The following ADCY8 variants were observed in gnomAD, a reference collection of about 807,000 sequenced individuals.
ADCY8 encodes the protein adenylate cyclase type 8.
A neutral mutation model predicts 119.7 loss-of-function variants in ADCY8; 51 were observed. The observed-to-expected ratio is 0.43, with a 90% confidence interval of 0.34 to 0.54. ADCY8 has a LOEUF of 0.54. Ranked by LOEUF, ADCY8 falls within the 20% of genes least tolerant of loss-of-function variation. The pLI, the probability that ADCY8 is intolerant of heterozygous loss-of-function variation, is 0.03. For missense variants in ADCY8, 1,383 were observed against 1,598.8 expected (o/e 0.87, Z 2.30); for synonymous variants, 665 against 651.0 (o/e 1.02, Z -0.33).
chr8:130,900,770 C>A (rs1026820053), intron 7 of ADCY8, among the ~76,000 whole-genome samples: 4 of 152,186 alleles, frequency 2.6e-5, no homozygotes, highest in African/African-American at 9.7e-5. Context: ...CAACAGTGAT[C>A]TCTTTCACTG....
At chr8:131,033,467 C>A (rs182595153) in intron 1 of ADCY8, among the ~76,000 whole-genome samples, 3 of 152,252 alleles carry the variant, frequency 2.0e-5, no homozygotes, top group Non-Finnish European at 2.9e-5. Flanking sequence ...GACATTGTAG[C>A]AGCTGCTCTA....
chr8:130,991,488 A>C (rs1282425575), intron 1 of ADCY8, among the ~76,000 whole-genome samples: 1 of 152,216 alleles, frequency 6.6e-6, no homozygotes, highest in African/African-American at 2.4e-5. Context: ...ACAGTAAGCA[A>C]TTGAGTTAAG....
chr8:130,895,238 T>C (rs1210804493), intron 7 of ADCY8, among the ~76,000 whole-genome samples: 3 of 152,122 alleles, frequency 2.0e-5, no homozygotes, highest in African/African-American at 7.2e-5. Context: ...GCCCTCAGTT[T>C]TATGACTCCC....
intron 9 of ADCY8, among the ~76,000 whole-genome samples, chr8:130,862,929 T>G (rs1817989643): frequency 6.6e-6 from 1 of 152,220 alleles, no homozygotes; most frequent in South Asian, 2.1e-4. Flanking sequence ...CCTTGGTTAC[T>G]GTTCATGTGA....
chr8:130,893,698 ATATGTGTGTGTGTGCATGTT>A (rs1819275752), intron 7 of ADCY8, among the ~76,000 whole-genome samples: 1 of 146,422 alleles, frequency 6.8e-6, no homozygotes, highest in African/African-American at 2.5e-5. Context: ...GTGCATGTTT[ATATGTGTGTGTGTGCATGTT>A]TATGTGTGTG....
chr8:130,898,546 T>C (rs1474018930), intron 7 of ADCY8, among the ~76,000 whole-genome samples: 1 of 152,224 alleles, frequency 6.6e-6, no homozygotes, highest in African/African-American at 2.4e-5. Context: ...TTGTGTACTT[T>C]TCTCCATATG....
intron 9 of ADCY8, among the ~76,000 whole-genome samples, chr8:130,865,017 T>G (rs140101687): frequency 1.3e-5 from 2 of 152,292 alleles, no homozygotes; most frequent in Non-Finnish European, 2.9e-5. Flanking sequence ...TGGTTAAGGT[T>G]TGCTATAGTT....
intron 5 of ADCY8, among the ~76,000 whole-genome samples, chr8:130,925,475 T>C (rs950233645): frequency 5.9e-5 from 9 of 152,146 alleles, no homozygotes; most frequent in African/African-American, 2.2e-4. Context: ...ATGGAGGCTA[T>C]AAGTTAAGTC....
intron 13 of ADCY8, among the ~76,000 whole-genome samples, chr8:130,816,113 T>G (rs1267187780): frequency 6.6e-6 from 1 of 152,192 alleles, no homozygotes; most frequent in Admixed American, 6.5e-5. Flanking sequence ...TTTAAAAAAA[T>G]TTTAAAGTCT....
chr8:130,991,951 C>A lies in ADCY8; in HGVS notation c.961-1409G>T, dbSNP rs542445260. Reference sequence around the variant, plus strand: ...GAACTGAAAAAGAAAATATCTGAACCAACTGGATATTAACAGCAGAACATA... The same window carrying A: ...GAACTGAAAAAGAAAATATCTGAACAAACTGGATATTAACAGCAGAACATA... On this transcript the variant is annotated intron_variant, in intron 1 of 17. Transcript: ENST00000286355. 2.0e-5 allele frequency among the ~76,000 whole-genome samples: 3 copies of A among 151,604 alleles called. No individual in the cohort carries two copies. In the East Asian group the frequency reaches 5.8e-4, roughly 29 times the overall value.
At chr8:130,923,671 T>C (rs768650075) in intron 5 of ADCY8, among the ~76,000 whole-genome samples, 2 of 152,156 alleles carry the variant, frequency 1.3e-5, no homozygotes, top group Non-Finnish European at 2.9e-5. Context: ...AGACATAGAA[T>C]ATGTGAAGAG....
chr8:130,970,278 T>TTACC (rs1421190577), intron 2 of ADCY8, among the ~76,000 whole-genome samples: 3 of 152,176 alleles, frequency 2.0e-5, no homozygotes, highest in Non-Finnish European at 2.9e-5. Flanking sequence ...ATTGCTCACA[T>TTACC]TACCACCTGA....
chr8:130,979,942 T>C (rs1822188408), intron 2 of ADCY8, among the ~76,000 whole-genome samples: 1 of 152,130 alleles, frequency 6.6e-6, no homozygotes, highest in African/African-American at 2.4e-5. Flanking sequence ...ACCACACAAT[T>C]TGGTGGTTTA....
intron 7 of ADCY8, among the ~76,000 whole-genome samples, chr8:130,897,242 G>A (rs1053761164): frequency 1.3e-5 from 2 of 152,032 alleles, no homozygotes; most frequent in Non-Finnish European, 2.9e-5. Flanking sequence ...CAATCAGGAC[G>A]GCAATCAGAT....
chr8:130,784,448 A>AT (rs1331826563), intron 16 of ADCY8, among the ~76,000 whole-genome samples: 2 of 152,160 alleles, frequency 1.3e-5, no homozygotes, highest in African/African-American at 4.8e-5. Flanking sequence ...ATTGAATGAG[A>AT]TTTTTTATAT....
chr8:130,795,310 A>G (rs1409141839), intron 15 of ADCY8, among the ~76,000 whole-genome samples: 1 of 152,198 alleles, frequency 6.6e-6, no homozygotes, highest in Non-Finnish European at 1.5e-5. Context: ...AGACAGGACC[A>G]CGCATAGTTT....
chr8:130,958,152 T>A (rs1193278366), intron 2 of ADCY8, among the ~76,000 whole-genome samples: 1 of 152,198 alleles, frequency 6.6e-6, no homozygotes, highest in Non-Finnish European at 1.5e-5. Flanking sequence ...GTGAGCAACA[T>A]AATCCCTTGG....
intron 15 of ADCY8, among the ~76,000 whole-genome samples, chr8:130,788,384 G>A (rs116365119): frequency 0.012 from 1,771 of 152,256 alleles, 37 homozygotes; most frequent in African/African-American, 0.041. Flanking sequence ...AAATAAGCCA[G>A]GCACAGAAAG....
intron 2 of ADCY8, among the ~76,000 whole-genome samples, chr8:130,963,471 TA>T (rs1821668910): frequency 6.6e-6 from 1 of 152,222 alleles, no homozygotes; most frequent in Non-Finnish European, 1.5e-5. Context: ...TGTCTTTTAT[TA>T]AATTAAATCA....
Sources: allele counts gnomAD v4.1 joint callset (sites outside exome capture counted in the v4.1 genomes callset), GRCh38; gene constraint gnomAD v4.1.1; transcripts MANE v1.5; gene names NCBI Gene and HGNC (gene_info 2026-07-23, HGNC 2026-07-21).